ZNF148: variants seen among roughly 807,000 people sequenced by gnomAD.
ZNF148 encodes the protein zinc finger protein 148.
ZNF148 carries 7 observed loss-of-function variants against 67.7 expected under a neutral mutation model. The observed-to-expected ratio is 0.10, with a 90% confidence interval of 0.06 to 0.19. ZNF148 has a LOEUF of 0.19. Among genes scored for constraint, ZNF148 ranks in the 10% least tolerant of loss-of-function variants. The pLI, the probability that ZNF148 is intolerant of heterozygous loss-of-function variation, is 1.00. For missense variants in ZNF148, 583 were observed against 947.1 expected (o/e 0.62, Z 5.05); for synonymous variants, 333 against 330.7 (o/e 1.01, Z -0.08).
At chr3:125,337,707 A>G (rs1941555162) in intron 1 of ZNF148, among the ~76,000 whole-genome samples, 1 of 152,178 alleles carries the variant, frequency 6.6e-6, no homozygotes. Flanking sequence ...ACACACAACT[A>G]TCTGAGCAAG....
chr3:125,282,413 A>G (rs1257645244), intron 5 of ZNF148, among the ~76,000 whole-genome samples: 1 of 152,134 alleles, frequency 6.6e-6, no homozygotes, highest in South Asian at 2.1e-4. Flanking sequence ...TAAAATTTTG[A>G]ATTCTAAGAT....
At chr3:125,356,757 C>T (rs1942355808) in intron 1 of ZNF148, among the ~76,000 whole-genome samples, 1 of 152,220 alleles carries the variant, frequency 6.6e-6, no homozygotes, top group Admixed American at 6.5e-5. Flanking sequence ...CCAACTCTAG[C>T]TTTCATTCTA....
intron 1 of ZNF148, among the ~76,000 whole-genome samples, chr3:125,362,984 T>C (rs577441757): frequency 6.6e-6 from 1 of 152,264 alleles, no homozygotes; most frequent in South Asian, 2.1e-4. Flanking sequence ...CTAGCCCAAA[T>C]TGTGGATATT....
intron 7 of ZNF148, among the ~76,000 whole-genome samples, chr3:125,258,232 C>T (rs1487738436): frequency 1.3e-5 from 2 of 151,814 alleles, no homozygotes; most frequent in Non-Finnish European, 2.9e-5. Flanking sequence ...ACCATCCTGG[C>T]TAACACGGTG....
chr3:125,271,270 A>C (rs543642577), intron 7 of ZNF148, among the ~76,000 whole-genome samples: 77 of 151,274 alleles, frequency 5.1e-4, no homozygotes, highest in African/African-American at 1.5e-3. Flanking sequence ...CCTCACCCCC[A>C]CTCTCCCCGT....
rs1055196602 is a variant in ZNF148, at chr3:125,227,864, A to G, written c.*4477T>C. 6.6e-6 allele frequency: 1 copy of G among 152,636 alleles called. No individual in the cohort carries two copies. Among genetic ancestry groups the G allele is most frequent in the African/African-American group, 2.4e-5 (1 of 41,460 alleles). The allele number at this position is 152,636 out of a possible 1,614,324, so 9.5% of individuals were successfully genotyped here. On this transcript the variant is annotated 3_prime_UTR_variant, in exon 9 of 9. Coordinates refer to ENST00000360647, the MANE Select transcript of ZNF148 (RefSeq NM_021964.3). ...TTTTTTCCTATAAAATGTAGGTCAT[A>G]TACATTTATAAATTGGCGGTTTTAT...
chr3:125,312,552 C>CTGA (rs1940272542), intron 4 of ZNF148, among the ~76,000 whole-genome samples: 1 of 152,132 alleles, frequency 6.6e-6, no homozygotes, highest in African/African-American at 2.4e-5. Context: ...AAGTGACAGG[C>CTGA]TGATGATGAT....
In ZNF148 at chr3:125,317,211, C is replaced by G. The variant is rs1001028497; in HGVS notation, c.-16-3555G>C. ...GCCTAGAAACTGTTTTTGAAATACC[C>G]TGAAATTTCCCCAAAATACCAGCAA... On this transcript the variant is annotated intron_variant, in intron 3 of 8. Coordinates refer to ENST00000360647, the MANE Select transcript of ZNF148 (RefSeq NM_021964.3). Among the ~76,000 whole-genome samples the G allele has an allele frequency of 3.9e-5, 6 of 152,168 alleles. No homozygotes were observed. In the East Asian group the frequency reaches 1.2e-3, roughly 29 times the overall value.
chr3:125,345,855 CA>C lies in ZNF148; in HGVS notation c.-233-14618del, dbSNP rs764045522. Reference sequence around the variant, plus strand: ...CCAACTGCTGCCAAAAAACAAAAAACAAAAAAAAACCTGCAGGCTCAGATGG... The same window carrying C: ...CCAACTGCTGCCAAAAAACAAAAAACAAAAAAAACCTGCAGGCTCAGATGG... On this transcript the variant is annotated intron_variant, in intron 1 of 8. Coordinates refer to ENST00000360647, the MANE Select transcript of ZNF148 (RefSeq NM_021964.3). 1.2e-4 allele frequency among the ~76,000 whole-genome samples: 18 copies of C among 150,834 alleles called. 1 individual carries two copies. The South Asian group carries it at 2.7e-3, about 23-fold the overall frequency.
At chr3:125,327,633 C>G (rs1239432759) in intron 2 of ZNF148, among the ~76,000 whole-genome samples, 1 of 152,094 alleles carries the variant, frequency 6.6e-6, no homozygotes, top group Non-Finnish European at 1.5e-5. Context: ...CCAGCCTGGG[C>G]AACACAGCAA....
chr3:125,336,677 C>CTTTTTTTTTTTTTTTTTTTTTTTT (rs71148176), intron 1 of ZNF148, among the ~76,000 whole-genome samples: 1 of 95,306 alleles, frequency 1.0e-5, no homozygotes, highest in African/African-American at 4.5e-5. Flanking sequence ...CAGAAATCAC[C>CTTTTTTTTTTTTTTTTTTTTTTTT]TTTTTTTTTT....
intron 1 of ZNF148, among the ~76,000 whole-genome samples, chr3:125,362,750 T>A (rs1942583560): frequency 6.6e-6 from 1 of 152,106 alleles, no homozygotes; most frequent in South Asian, 2.1e-4. Flanking sequence ...AGATGAGGTT[T>A]CATCATGTTG....
chr3:125,288,154 C>T lies in ZNF148; in HGVS notation c.408G>A (p.Glu136=). 4 of 1,613,854 alleles carry T rather than the reference C, an allele frequency of 2.5e-6. No homozygotes were observed. The highest frequency in any genetic ancestry group is 3.4e-6 in the Non-Finnish European group (4 of 1,179,896). The change falls in exon 5 of 9, where the codon GAG becomes GAA. Residue 136 remains glutamate, a synonymous_variant. Coordinates refer to ENST00000360647, the MANE Select transcript of ZNF148 (RefSeq NM_021964.3). ...QLMRDKKQIR[E]PVDLQKKKKR... is the part of the protein sequence containing the mutation. Reference sequence around the variant, plus strand: ...TCTTCTTTTTCTGTAAGTCTACTGGCTCTCTGATTTGTTTTTTGTCTCTCA... The same window carrying T: ...TCTTCTTTTTCTGTAAGTCTACTGGTTCTCTGATTTGTTTTTTGTCTCTCA...
intron 2 of ZNF148, among the ~76,000 whole-genome samples, chr3:125,327,855 G>A (rs1447287515): frequency 2.0e-5 from 3 of 152,182 alleles, no homozygotes; most frequent in East Asian, 3.9e-4. Context: ...TGCAGCAAAC[G>A]CAATACTTAA....
intron 1 of ZNF148, among the ~76,000 whole-genome samples, chr3:125,365,771 C>T (rs1342186502): frequency 2.0e-5 from 3 of 152,112 alleles, no homozygotes; most frequent in Admixed American, 6.5e-5. Flanking sequence ...TGAGCTGCTG[C>T]GTTCACACAA....
At chr3:125,356,571 A>G (rs1192683436) in intron 1 of ZNF148, among the ~76,000 whole-genome samples, 2 of 152,226 alleles carry the variant, frequency 1.3e-5, no homozygotes, top group Non-Finnish European at 2.9e-5. Context: ...GAAATTTCCA[A>G]ACTGAGTGGT....
chr3:125,334,181 C>A (rs1455140303), intron 1 of ZNF148, among the ~76,000 whole-genome samples: 1 of 152,170 alleles, frequency 6.6e-6, no homozygotes, highest in Non-Finnish European at 1.5e-5. Context: ...TTTTGATAGA[C>A]TGGCAATGTT....
At chr3:125,253,604 C>G (rs193219156) in intron 7 of ZNF148, among the ~76,000 whole-genome samples, 28 of 152,180 alleles carry the variant, frequency 1.8e-4, no homozygotes, top group Non-Finnish European at 2.2e-4. Context: ...AATAAGTCCC[C>G]TATTATTCTA....
At chr3:125,281,783 G>A (rs1938402489) in intron 5 of ZNF148, among the ~76,000 whole-genome samples, 2 of 152,120 alleles carry the variant, frequency 1.3e-5, no homozygotes, top group African/African-American at 4.8e-5. Context: ...CTTTTTTTAA[G>A]TTCAAAGACA....
Sources: gnomAD v4.1 joint callset for allele counts (sites outside exome capture counted in the v4.1 genomes callset) on GRCh38, gnomAD v4.1.1 for gene constraint, MANE v1.5 for transcripts, NCBI Gene and HGNC (gene_info 2026-07-23, HGNC 2026-07-21) for gene names.